The following LCORL variants were observed in gnomAD, a reference collection of about 807,000 sequenced individuals.
The protein encoded by LCORL is ligand dependent nuclear receptor corepressor like.
Under a neutral mutation model 141.8 loss-of-function variants are expected in LCORL, and 41 were observed. The ratio of observed to expected loss-of-function variants is 0.29; its 90% confidence interval spans 0.23 to 0.38. The LOEUF is 0.38. LCORL is among the 10% of genes least tolerant of loss of function. The pLI is 1.00. For synonymous variants in LCORL, 618 were observed against 694.1 expected (o/e 0.89, Z 1.72); for missense variants, 1,759 against 2,035.0 (o/e 0.86, Z 2.61).
At chr4:17,923,880 T>C (rs2109386943) in intron 4 of LCORL, among the ~76,000 whole-genome samples, 1 of 152,208 alleles carries the variant, frequency 6.6e-6, no homozygotes, top group East Asian at 2.0e-4. Flanking sequence ...TTCCCGAATT[T>C]CTTTGTCACC....
At chr4:17,893,653 T>A (rs1729451552) in intron 5 of LCORL, 5 of 916,306 alleles carry the variant, frequency 5.5e-6, no homozygotes, top group Non-Finnish European at 5.2e-6. Flanking sequence ...TTTGCTACAG[T>A]AGGTAAAGCT....
At chr4:17,859,823 G>T (rs192199006) in intron 7 of LCORL, among the ~76,000 whole-genome samples, 46 of 152,268 alleles carry the variant, frequency 3.0e-4, no homozygotes, top group Admixed American at 6.5e-4. Context: ...AACAGTCCAA[G>T]CTGAGAACCA....
At chr4:17,964,152 C>T (rs2109615380) in intron 2 of LCORL, among the ~76,000 whole-genome samples, 1 of 152,122 alleles carries the variant, frequency 6.6e-6, no homozygotes, top group East Asian at 1.9e-4. Flanking sequence ...TGCAGTAGTA[C>T]ACAAACTTAT....
At chr4:18,000,253 G>T (rs576250473) in intron 1 of LCORL, among the ~76,000 whole-genome samples, 1 of 151,446 alleles carries the variant, frequency 6.6e-6, no homozygotes, top group Non-Finnish European at 1.5e-5. Context: ...CTTCTTTGTG[G>T]ACACACACAC....
In LCORL at chr4:17,876,734, T is replaced by C. The variant is rs557238121; in HGVS notation, c.2256A>G (p.Pro752=). 67 of 1,230,870 alleles carry C rather than the reference T, an allele frequency of 5.4e-5. No individual in the cohort carries two copies. In the African/African-American group the frequency reaches 9.5e-4, roughly 17 times the overall value. 76.2% of individuals were successfully genotyped at this position (1,230,870 alleles called of 1,614,324 possible). A position where few individuals can be genotyped will look rare whatever the true frequency, so the allele number is the denominator to read the frequency against. Residue 752 remains proline, a synonymous_variant, in exon 7 of 8, where the codon CCA becomes CCG. Transcript: ENST00000635767. ...AAAGAGTTTGAGTATTACCTAACTT[T>C]GGATTTTTCCTATCATTTTGCAAAA...
chr4:17,893,532 T>C (rs1406586459), intron 5 of LCORL: 74 of 985,228 alleles, frequency 7.5e-5, no homozygotes, highest in Non-Finnish European at 8.4e-5. Flanking sequence ...AGGTAGATAT[T>C]CTTCAGAAAA....
chr4:17,946,840 T>C (rs1050534682), intron 4 of LCORL, among the ~76,000 whole-genome samples: 3 of 151,868 alleles, frequency 2.0e-5, no homozygotes, highest in African/African-American at 7.2e-5. Flanking sequence ...ATGTGAGGCA[T>C]ATAGAAACTA....
chr4:17,907,679 C>A (rs999901130), intron 5 of LCORL, among the ~76,000 whole-genome samples: 15 of 152,126 alleles, frequency 9.9e-5, no homozygotes, highest in African/African-American at 3.6e-4. Context: ...TCTGTGGTGG[C>A]AGATATCATA....
At chr4:17,870,809 G>A (rs914563066) in intron 7 of LCORL, among the ~76,000 whole-genome samples, 1 of 152,122 alleles carries the variant, frequency 6.6e-6, no homozygotes, top group Non-Finnish European at 1.5e-5. Flanking sequence ...AATAGAATGG[G>A]ATTGCATTTT....
At chr4:17,937,569 A>G (rs1737072362) in intron 4 of LCORL, among the ~76,000 whole-genome samples, 2 of 152,244 alleles carry the variant, frequency 1.3e-5, no homozygotes. Flanking sequence ...GATGAAGGGA[A>G]TAAATGAAAA....
chr4:18,009,466 G>A (rs571577395), intron 1 of LCORL, among the ~76,000 whole-genome samples: 36 of 151,874 alleles, frequency 2.4e-4, no homozygotes, highest in Non-Finnish European at 4.0e-4. Flanking sequence ...CCCTGCTCAG[G>A]CTATGAAATC....
intron 1 of LCORL, among the ~76,000 whole-genome samples, chr4:17,994,661 T>A (rs1298371554): frequency 6.6e-6 from 1 of 152,100 alleles, no homozygotes; most frequent in Non-Finnish European, 1.5e-5. Context: ...TTTCAACTAA[T>A]CAATTATTCA....
At chr4:17,939,262 G>A (rs758926931) in intron 4 of LCORL, among the ~76,000 whole-genome samples, 2 of 152,088 alleles carry the variant, frequency 1.3e-5, no homozygotes, top group African/African-American at 2.4e-5. Context: ...AGCTAGTAAC[G>A]GAATGATAAC....
intron 4 of LCORL, among the ~76,000 whole-genome samples, chr4:17,951,267 T>C (rs939192780): frequency 1.3e-5 from 2 of 152,328 alleles, no homozygotes; most frequent in South Asian, 2.1e-4. Context: ...GTTTACACTA[T>C]AGTACATGTT....
rs537413498 is a variant in LCORL, at chr4:17,867,641, C to A, written c.5602+5747G>T. Among the ~76,000 whole-genome samples, 13 of 152,260 alleles carry A rather than the reference C, an allele frequency of 8.5e-5. No individual in the cohort carries two copies. In the East Asian group the frequency reaches 2.5e-3, roughly 29 times the overall value. ...ACTTGAAATATCTTCTAGATAAATT[C>A]CTTGAGTTCCTTTGTGACTTGAACA... On this transcript the variant is annotated intron_variant, in intron 7 of 7. Transcript: ENST00000635767.
intron 7 of LCORL, among the ~76,000 whole-genome samples, chr4:17,853,409 A>C (rs569210599): frequency 6.6e-6 from 1 of 152,306 alleles, no homozygotes; most frequent in South Asian, 2.1e-4. Flanking sequence ...TAACTAAATA[A>C]GTAGCAGCTA....
exon 7 of LCORL, chr4:17,878,155 A>G (rs1727110364): frequency 1.6e-6 from 2 of 1,230,090 alleles, no homozygotes; most frequent in Admixed American, 8.5e-5. Context: ...ACTTTGTTTA[A>G]TGCTGATTTT....
At chr4:18,004,693 G>GT (rs1478388767) in intron 1 of LCORL, among the ~76,000 whole-genome samples, 1 of 152,100 alleles carries the variant, frequency 6.6e-6, no homozygotes, top group Non-Finnish European at 1.5e-5. Context: ...CCTCCCAGCA[G>GT]TCCCCCCGCA....
chr4:17,917,189 G>A (rs542253109), intron 4 of LCORL, among the ~76,000 whole-genome samples: 8 of 150,526 alleles, frequency 5.3e-5, no homozygotes, highest in African/African-American at 2.0e-4. Context: ...GCCAGGCTGA[G>A]TTTTTTTTGT....
Sources: allele counts gnomAD v4.1 joint callset (sites outside exome capture counted in the v4.1 genomes callset), GRCh38; gene constraint gnomAD v4.1.1; transcripts MANE v1.5; gene names NCBI Gene and HGNC (gene_info 2026-07-23, HGNC 2026-07-21).